Variants in SPATA16 observed in about 807,000 individuals in gnomAD.
SPATA16 encodes spermatogenesis-associated protein 16.
In SPATA16, 36 loss-of-function variants were observed where a neutral mutation model predicts 63.3. The observed-to-expected ratio is 0.57, with a 90% CI of 0.44 to 0.75. The LOEUF is 0.75. Among genes scored for constraint, SPATA16 ranks in the 30% least tolerant of loss-of-function variants. The probability of loss-of-function intolerance (pLI) is 0.00; values close to 1 mark genes in which losing one functional copy is unlikely to be tolerated. For missense variants in SPATA16, 646 were observed against 679.3 expected (o/e 0.95, Z 0.54); for synonymous variants, 203 against 216.7 (o/e 0.94, Z 0.56).
intron 9 of SPATA16, among the ~76,000 whole-genome samples, chr3:172,914,228 T>A (rs1732431674): frequency 6.6e-6 from 1 of 152,202 alleles, no homozygotes; most frequent in Non-Finnish European, 1.5e-5. Flanking sequence ...GTTTTTTTCT[T>A]TGTTAAAATT....
chr3:173,107,594 A>T lies in SPATA16; in HGVS notation c.612+9526T>A, dbSNP rs75362313. On this transcript the variant is annotated intron_variant, in intron 2 of 10. Transcript: ENST00000351008. ...AAAGAAGAGTTACATAATTTAGTAGAAGTTGAAACTAAATTTTCCTTTAAT... is the reference window on the plus strand; with the variant it reads ...AAAGAAGAGTTACATAATTTAGTAGTAGTTGAAACTAAATTTTCCTTTAAT... 7.2e-5 allele frequency among the ~76,000 whole-genome samples: 11 copies of T among 152,284 alleles called. No individual in the cohort carries two copies. The East Asian group carries it at 1.7e-3, about 24-fold the overall frequency.
At chr3:172,995,667 T>C (rs933074046) in intron 4 of SPATA16, among the ~76,000 whole-genome samples, 1 of 152,106 alleles carries the variant, frequency 6.6e-6, no homozygotes, top group Non-Finnish European at 1.5e-5. Context: ...GTGGATAAGA[T>C]AATCAGAGAA....
At chr3:173,117,001 T>C in intron 2 of SPATA16, 119 bp downstream of exon 2, 3 of 1,048,834 alleles carry the variant, frequency 2.9e-6, no homozygotes, top group South Asian at 1.3e-5. Context: ...CTAATATCAT[T>C]ACATATCCTC....
At chr3:173,035,197 A>G (rs1735688988) in intron 3 of SPATA16, among the ~76,000 whole-genome samples, 1 of 152,202 alleles carries the variant, frequency 6.6e-6, no homozygotes, top group East Asian at 1.9e-4. Context: ...ATAAAAATAC[A>G]TACATAACCA....
At chr3:172,961,063 CTTCTTTCTTCCT>C (rs749559819) in intron 5 of SPATA16, among the ~76,000 whole-genome samples, 1,213 of 28,754 alleles carry the variant, frequency 0.042, 82 homozygotes, top group African/African-American at 0.12. Flanking sequence ...TTCTTTCTTT[CTTCTTTCTTCCT>C]TCCTTCCTTC....
chr3:173,012,819 A>C (rs1735101482), intron 4 of SPATA16, among the ~76,000 whole-genome samples: 1 of 152,244 alleles, frequency 6.6e-6, no homozygotes, highest in Non-Finnish European at 1.5e-5. Flanking sequence ...TCAAACTATA[A>C]AAATCTTGGA....
intron 3 of SPATA16, among the ~76,000 whole-genome samples, chr3:173,047,432 T>G (rs1025444316): frequency 5.9e-5 from 9 of 151,356 alleles, no homozygotes; most frequent in African/African-American, 2.2e-4. Flanking sequence ...GAAGGTGAGG[T>G]ATAATTACTT....
At chr3:173,010,429 T>A (rs1735041776) in intron 4 of SPATA16, among the ~76,000 whole-genome samples, 1 of 146,856 alleles carries the variant, frequency 6.8e-6, no homozygotes, top group Admixed American at 6.8e-5. Context: ...CTCTGGCACG[T>A]TGTGGCGTGT....
In SPATA16 at chr3:172,961,065, T is replaced by TTCCTTCCTTC. The variant is rs1560080300; in HGVS notation, c.934-4242_934-4241insGAAGGAAGGA. Among the ~76,000 whole-genome samples the TTCCTTCCTTC allele has an allele frequency of 2.7e-3, 109 of 40,150 alleles. 6 individuals carry two copies. The highest frequency in any genetic ancestry group is 0.015 in the South Asian group (18 of 1,226). The allele number at this position is 40,150 out of a possible 152,430, so 26.3% of individuals were successfully genotyped here. ...CTTTCTTTCTTCTTTCTTTCTTTCT[T>TTCCTTCCTTC]CTTTCTTCCTTCCTTCCTTCCTTCC... On this transcript the variant is annotated intron_variant, in intron 5 of 10. Coordinates refer to ENST00000351008, the MANE Select transcript of SPATA16 (RefSeq NM_031955.6).
rs557249594 is a variant in SPATA16, at chr3:172,989,244, C to T, written c.849-12192G>A. ...ATTCTGTATCTAATTTTTTCAAGTA[C>T]ACAGTTTATCTAGAGATAAGTAGGT... is the stretch of plus-strand genomic sequence containing the variant. On this transcript the variant is annotated intron_variant, in intron 4 of 10. Coordinates refer to ENST00000351008, the MANE Select transcript of SPATA16 (RefSeq NM_031955.6). Among the ~76,000 whole-genome samples, 48 of 152,200 alleles carry T rather than the reference C, an allele frequency of 3.2e-4. 1 individual carries two copies. Among genetic ancestry groups the T allele is most frequent in the Non-Finnish European group, 6.2e-4 (42 of 67,998 alleles).
intron 1 of SPATA16, among the ~76,000 whole-genome samples, chr3:173,118,909 A>T (rs1251642745): frequency 1.3e-5 from 2 of 152,230 alleles, no homozygotes; most frequent in Non-Finnish European, 2.9e-5. Context: ...TAACAATGAG[A>T]TAAAAGCTAA....
At chr3:172,978,532 T>C (rs1734221266) in intron 4 of SPATA16, among the ~76,000 whole-genome samples, 1 of 152,174 alleles carries the variant, frequency 6.6e-6, no homozygotes, top group Non-Finnish European at 1.5e-5. Context: ...ATGGAAAATA[T>C]AGAAATTTTA....
intron 6 of SPATA16, among the ~76,000 whole-genome samples, chr3:172,936,660 C>T (rs187361163): frequency 3.9e-5 from 6 of 152,166 alleles, no homozygotes; most frequent in Non-Finnish European, 7.4e-5. Context: ...GTTGCTTGGT[C>T]AGAAGTATAG....
intron 10 of SPATA16, among the ~76,000 whole-genome samples, chr3:172,898,143 T>A (rs1732046652): frequency 6.6e-6 from 1 of 152,018 alleles, no homozygotes. Flanking sequence ...TATTGCTAAA[T>A]TCTATTTGTT....
At chr3:172,965,541 T>C (rs1733897795) in intron 5 of SPATA16, among the ~76,000 whole-genome samples, 1 of 152,148 alleles carries the variant, frequency 6.6e-6, no homozygotes, top group African/African-American at 2.4e-5. Context: ...ACTCACAGTT[T>C]GTTCTGGTCT....
chr3:172,986,676 G>A (rs1408936857), intron 4 of SPATA16, among the ~76,000 whole-genome samples: 1 of 152,142 alleles, frequency 6.6e-6, no homozygotes, highest in Admixed American at 6.6e-5. Context: ...TTTGAGCAGG[G>A]GGGGGAATGC....
intron 2 of SPATA16, 60 bp from the exon 3 acceptor site, chr3:173,049,154 A>G (rs1211828094): frequency 1.3e-6 from 2 of 1,527,054 alleles, no homozygotes; most frequent in Non-Finnish European, 1.8e-6. Context: ...TATCTTTTAA[A>G]TAAGCAAAAC....
At chr3:172,915,334 AG>A (rs1732455819) in intron 9 of SPATA16, among the ~76,000 whole-genome samples, 1 of 152,156 alleles carries the variant, frequency 6.6e-6, no homozygotes, top group South Asian at 2.1e-4. Flanking sequence ...TGCTTTTAGC[AG>A]GTTTAGATGA....
At chr3:172,997,348 G>A (rs890303072) in intron 4 of SPATA16, among the ~76,000 whole-genome samples, 2 of 152,032 alleles carry the variant, frequency 1.3e-5, no homozygotes, top group African/African-American at 4.8e-5. Flanking sequence ...GTTTTAATTT[G>A]CATTTCCCTG....
Sources: gnomAD v4.1 joint callset for allele counts (sites outside exome capture counted in the v4.1 genomes callset) on GRCh38, gnomAD v4.1.1 for gene constraint, MANE v1.5 for transcripts, NCBI Gene and HGNC (gene_info 2026-07-23, HGNC 2026-07-21) for gene names.